The following DNAH17 variants were observed in gnomAD, a reference collection of about 807,000 sequenced individuals.
DNAH17 encodes dynein axonemal heavy chain 17, also known as axonemal beta dynein heavy chain 17.
In DNAH17, 376 loss-of-function variants were observed where a neutral mutation model predicts 485.6. The observed-to-expected ratio is 0.77, with a 90% confidence interval of 0.71 to 0.84. The LOEUF is 0.84. DNAH17 is among the 40% of genes least tolerant of loss of function. The pLI is 0.00. For synonymous variants in DNAH17, 3,031 were observed against 2,405.9 expected (o/e 1.26, Z -7.60); for missense variants, 6,370 against 5,839.3 (o/e 1.09, Z -2.96).
At chr17:78,433,079 A>G (rs2086737290) in intron 75 of DNAH17, among the ~76,000 whole-genome samples, 1 of 151,996 alleles carries the variant, frequency 6.6e-6, no homozygotes, top group Non-Finnish European at 1.5e-5. Flanking sequence ...GCTCTCTCTG[A>G]GCCAGGGTCC....
chr17:78,430,027 C>G (rs2086619256), intron 75 of DNAH17, among the ~76,000 whole-genome samples: 1 of 152,196 alleles, frequency 6.6e-6, no homozygotes, highest in Non-Finnish European at 1.5e-5. Flanking sequence ...CCACACGCTT[C>G]CCACCCCGCC....
intron 25 of DNAH17, among the ~76,000 whole-genome samples, chr17:78,524,280 G>A (rs960521361): frequency 1.3e-5 from 2 of 152,276 alleles, no homozygotes; most frequent in Non-Finnish European, 1.5e-5. Flanking sequence ...TGGGATTACA[G>A]GTGCACACCA....
At position 78,459,954 on chromosome 17, in the gene DNAH17, C is replaced by T; in HGVS notation, c.9483G>A (p.Val3161=). ...TCATGACGGCGGCGGTGACGTTGACCACAGCATCCGGCGGGGACCCAAAGG... is the reference window on the plus strand; with the variant it reads ...TCATGACGGCGGCGGTGACGTTGACTACAGCATCCGGCGGGGACCCAAAGG... The part of the protein sequence containing the change: ...LKSFGSPPDA[V]VNVTAAVMIL... The change falls in exon 60 of 81, where the codon GTG becomes GTA. Residue 3161 remains valine, a synonymous_variant. Coordinates refer to ENST00000389840, the MANE Select transcript of DNAH17 (RefSeq NM_173628.4). The T allele has an allele frequency of 5.6e-6, 9 of 1,613,580 alleles. No individual in the cohort carries two copies. The highest frequency in any genetic ancestry group is 7.6e-6 in the Non-Finnish European group (9 of 1,179,896).
In DNAH17 at chr17:78,476,639, ATT is replaced by A. The variant is rs1194249551; in HGVS notation, c.8085_8086del (p.Lys2695AsnfsTer3). On this transcript the variant is annotated frameshift_variant, in exon 52 of 81. Transcript: ENST00000389840. LOFTEE classifies it high-confidence loss of function. Reference sequence around the variant, plus strand: ...TGTTTCCTGGTCTTTTTCGTCAACCATTTTGTCACCATACACTCGTTCAGTCT... The same window carrying A: ...TGTTTCCTGGTCTTTTTCGTCAACCATTGTCACCATACACTCGTTCAGTCT... 1 of 1,612,260 alleles carries A rather than the reference ATT, an allele frequency of 6.2e-7. No individual in the cohort carries two copies. Among genetic ancestry groups the A allele is most frequent in the African/African-American group, 1.3e-5 (1 of 74,850 alleles).
chr17:78,496,485 G>A (rs868274686), intron 37 of DNAH17, among the ~76,000 whole-genome samples: 3 of 151,584 alleles, frequency 2.0e-5, no homozygotes, highest in African/African-American at 2.4e-5. Flanking sequence ...GGGTGGGCGC[G>A]ACACTGAGGC....
At chr17:78,557,800 T>G (rs1007633144) in intron 14 of DNAH17, among the ~76,000 whole-genome samples, 5 of 152,022 alleles carry the variant, frequency 3.3e-5, no homozygotes, top group Non-Finnish European at 7.4e-5. Flanking sequence ...CACACTAATT[T>G]AATTCTGTTC....
At chr17:78,499,291 C>T (rs1264994474) in intron 36 of DNAH17, 179 bp from the exon 37 acceptor site, 8 of 452,222 alleles carry the variant, frequency 1.8e-5, no homozygotes, top group Non-Finnish European at 2.7e-5. Flanking sequence ...CAGGGTAACA[C>T]CGTGGAGGGC....
Position 78,505,276 on chromosome 17 carries a change from T to C in DNAH17, c.4956+17A>G. 6.2e-7 allele frequency: 1 copy of C among 1,613,692 alleles called. No individual in the cohort carries two copies. Among genetic ancestry groups the C allele is most frequent in the South Asian group, 1.1e-5 (1 of 91,076 alleles). ...CCCTTGTCCTGGGTTCCCTGTGTGG[T>C]GTGCGCACACACTCACCTGCCCCGA... On this transcript the variant is annotated intron_variant, in intron 31 of 80. Transcript: ENST00000389840.
At chr17:78,549,093 T>G (rs546013883) in intron 16 of DNAH17, among the ~76,000 whole-genome samples, 26 of 152,330 alleles carry the variant, frequency 1.7e-4, no homozygotes, top group Admixed American at 5.2e-4. Context: ...GTGAGTGTTA[T>G]GAACTGCACG....
In DNAH17 at chr17:78,505,464, C is replaced by T. The variant is rs369560324; in HGVS notation, c.4804-19G>A. 1.9e-5 allele frequency: 31 copies of T among 1,613,622 alleles called. No individual in the cohort carries two copies. The highest frequency in any genetic ancestry group is 2.5e-5 in the Non-Finnish European group (29 of 1,179,760). ...GGCTCACCTGGGAGGAGGCAAGAAGCGGGAATTATGCAACGGGGGATTTGA... is the reference window on the plus strand; with the variant it reads ...GGCTCACCTGGGAGGAGGCAAGAAGTGGGAATTATGCAACGGGGGATTTGA... On this transcript the variant is annotated intron_variant, in intron 30 of 80. Transcript: ENST00000389840.
intron 60 of DNAH17, 67 bp from the exon 61 acceptor site, chr17:78,459,275 G>T: frequency 6.8e-7 from 1 of 1,468,738 alleles, no homozygotes; most frequent in Non-Finnish European, 9.5e-7. Flanking sequence ...GCCCAGAGAA[G>T]CTGAGTGTCT....
Position 78,454,544 on chromosome 17 carries a change from G to C in DNAH17, c.10332C>G (p.Ala3444=), listed in dbSNP as rs1337856421. 6.2e-7 allele frequency: 1 copy of C among 1,613,170 alleles called. No individual in the cohort carries two copies. Among genetic ancestry groups the C allele is most frequent in the South Asian group, 1.1e-5 (1 of 91,034 alleles). ...TGATCCACTTGATTCCTTGGAGCTG[G>C]GCGTCCACGATCAGCGGCCACCGCT... ...NTERWPLIVD[A]QLQGIKWIKN... is the part of the protein sequence containing the mutation. The change falls in exon 64 of 81, where the codon GCC becomes GCG. Residue 3444 remains alanine, a synonymous_variant. Transcript: ENST00000389840.
At chr17:78,465,351 C>A (rs1384332912) in intron 56 of DNAH17, among the ~76,000 whole-genome samples, 1 of 151,760 alleles carries the variant, frequency 6.6e-6, no homozygotes, top group Admixed American at 6.6e-5. Context: ...CCGGCCGCCA[C>A]CCCGTCTGGG....
At chr17:78,499,664 G>A (rs1482012507) in intron 36 of DNAH17, 3 of 152,454 alleles carry the variant, frequency 2.0e-5, no homozygotes, top group Admixed American at 6.5e-5. Context: ...TGGACTGCGT[G>A]GCCCTGACAG....
At chr17:78,526,556 A>T in intron 24 of DNAH17, 95 bp downstream of exon 24, 1 of 1,096,884 alleles carries the variant, frequency 9.1e-7, no homozygotes, top group Non-Finnish European at 1.3e-6. Flanking sequence ...TCCGGCGGAG[A>T]CCACGTTTCT....
At chr17:78,450,927 G>A in intron 66 of DNAH17, 81 bp from the exon 67 acceptor site, 1 of 1,542,532 alleles carries the variant, frequency 6.5e-7, no homozygotes, top group South Asian at 1.2e-5. Context: ...TGGCCATGTA[G>A]CTGAGCCAAG....
chr17:78,486,974 C>T (rs2089637705), intron 44 of DNAH17, among the ~76,000 whole-genome samples: 1 of 141,594 alleles, frequency 7.1e-6, no homozygotes, highest in African/African-American at 2.7e-5. Flanking sequence ...ATGCCTGAAG[C>T]ACCCCTTGGT....
At chr17:78,427,796 A>G (rs1386397700) in intron 77 of DNAH17, among the ~76,000 whole-genome samples, 1 of 152,128 alleles carries the variant, frequency 6.6e-6, no homozygotes, top group East Asian at 1.9e-4. Flanking sequence ...ACATGGTGAA[A>G]CTGTCTCTAC....
In DNAH17 at chr17:78,433,068, T is replaced by C. The variant is rs559811444; in HGVS notation, c.12225+961A>G. On this transcript the variant is annotated intron_variant, in intron 75 of 80. Transcript: ENST00000389840. ...AGTCTGTAAGAGGGTGCCCGGACCT[T>C]GCTCTCTCTGAGCCAGGGTCCATGT... is the stretch of plus-strand genomic sequence containing the variant. Among the ~76,000 whole-genome samples the C allele has an allele frequency of 2.6e-5, 4 of 152,164 alleles. No homozygotes were observed. In the South Asian group the frequency reaches 8.3e-4, roughly 32 times the overall value.
Sources: allele counts gnomAD v4.1 joint callset (sites outside exome capture counted in the v4.1 genomes callset), GRCh38; gene constraint gnomAD v4.1.1; transcripts MANE v1.5; gene names NCBI Gene and HGNC (gene_info 2026-07-23, HGNC 2026-07-21).